Variants in TCF4 observed in about 807,000 individuals in gnomAD.
TCF4 encodes SL3-3 enhancer factor 2.
In TCF4, 3 loss-of-function variants were observed where a neutral mutation model predicts 82.1. That is an observed-to-expected ratio of 0.04 (90% CI 0.02 to 0.09). TCF4 has a LOEUF of 0.09. Among genes scored for constraint, TCF4 ranks in the 10% least tolerant of loss-of-function variants. The probability of loss-of-function intolerance (pLI) is 1.00; values close to 1 mark genes in which losing one functional copy is unlikely to be tolerated. For synonymous variants in TCF4, 276 were observed against 309.6 expected (o/e 0.89, Z 1.14); for missense variants, 518 against 852.7 (o/e 0.61, Z 4.89).
intron 3 of TCF4, among the ~76,000 whole-genome samples, chr18:55,481,353 A>G (rs1040988021): frequency 2.3e-4 from 35 of 152,200 alleles, no homozygotes; most frequent in Admixed American, 2.1e-3. Flanking sequence ...TTACCACCAC[A>G]TCAATGAAAA....
At chr18:55,467,393 T>C (rs530461954) in intron 3 of TCF4, among the ~76,000 whole-genome samples, 5 of 152,178 alleles carry the variant, frequency 3.3e-5, no homozygotes, top group African/African-American at 1.2e-4. Context: ...ATGCCCATTT[T>C]TAAATTGGCT....
chr18:55,326,242 A>G (rs1384263560), intron 8 of TCF4, among the ~76,000 whole-genome samples: 2 of 152,040 alleles, frequency 1.3e-5, no homozygotes, highest in Non-Finnish European at 2.9e-5. Flanking sequence ...CACAGGTTTG[A>G]GTGTTAGTTC....
intron 3 of TCF4, among the ~76,000 whole-genome samples, chr18:55,470,048 T>C (rs931061269): frequency 6.6e-6 from 1 of 152,176 alleles, no homozygotes; most frequent in Non-Finnish European, 1.5e-5. Flanking sequence ...TAATGGCCTC[T>C]TGAGTCAAGG....
chr18:55,442,734 C>T (rs948134812), intron 5 of TCF4, among the ~76,000 whole-genome samples: 5 of 152,174 alleles, frequency 3.3e-5, no homozygotes, highest in South Asian at 2.1e-4. Flanking sequence ...TTCCCTCTTC[C>T]GTCACACCGG....
At chr18:55,559,269 C>T (rs997010160) in intron 3 of TCF4, among the ~76,000 whole-genome samples, 1 of 151,768 alleles carries the variant, frequency 6.6e-6, no homozygotes, top group African/African-American at 2.4e-5. Context: ...TTTAAGACTG[C>T]TATTATTCAG....
chr18:55,467,178 A>C (rs905994790), intron 3 of TCF4, among the ~76,000 whole-genome samples: 1 of 152,234 alleles, frequency 6.6e-6, no homozygotes, highest in African/African-American at 2.4e-5. Context: ...CCATATCCAT[A>C]GAAGACACTA....
chr18:55,254,256 A>G (rs1277846610), intron 15 of TCF4, among the ~76,000 whole-genome samples: 1 of 152,172 alleles, frequency 6.6e-6, no homozygotes, highest in Non-Finnish European at 1.5e-5. Flanking sequence ...TTAATGGGCA[A>G]CGGGGATTCT....
intron 9 of TCF4, among the ~76,000 whole-genome samples, chr18:55,276,769 G>C (rs1444758788): frequency 6.6e-6 from 1 of 152,136 alleles, no homozygotes; most frequent in Non-Finnish European, 1.5e-5. Flanking sequence ...TTGAAAATAA[G>C]ATTATTTTCA....
chr18:55,583,468 A>G (rs1279903859), intron 3 of TCF4, among the ~76,000 whole-genome samples: 1 of 152,178 alleles, frequency 6.6e-6, no homozygotes, highest in Non-Finnish European at 1.5e-5. Context: ...CTCTATAAAC[A>G]TTTAAACATC....
intron 3 of TCF4, among the ~76,000 whole-genome samples, chr18:55,466,584 T>C (rs575364478): frequency 1.5e-4 from 23 of 152,274 alleles, no homozygotes; most frequent in Admixed American, 1.3e-3. Flanking sequence ...GCAAAAGGAA[T>C]CAAGTTGGAG....
chr18:55,242,931 G>A (rs1189136641), intron 15 of TCF4, among the ~76,000 whole-genome samples: 1 of 151,924 alleles, frequency 6.6e-6, no homozygotes, highest in African/African-American at 2.4e-5. Flanking sequence ...TTTAATGATG[G>A]GATAATATTA....
At chr18:55,280,799 G>T (rs776943082) in intron 8 of TCF4, among the ~76,000 whole-genome samples, 1 of 151,758 alleles carries the variant, frequency 6.6e-6, no homozygotes, top group Admixed American at 6.6e-5. Context: ...AGTGCACATC[G>T]AATAAACACC....
intron 3 of TCF4, among the ~76,000 whole-genome samples, chr18:55,464,350 A>C (rs1229633092): frequency 1.3e-5 from 2 of 152,218 alleles, no homozygotes; most frequent in Non-Finnish European, 2.9e-5. Flanking sequence ...CAGGAACCAG[A>C]GGTATAAACA....
intron 2 of TCF4, chr18:55,586,170 GCAGCAGCAGCAGC>G: frequency 2.4e-6 from 1 of 418,374 alleles, no homozygotes; most frequent in Non-Finnish European, 3.3e-6. Flanking sequence ...AGCAGCAGCA[GCAGCAGCAGCAGC>G]AGCAGCAGCA....
At chr18:55,371,483 A>T (rs1208552141) in intron 6 of TCF4, among the ~76,000 whole-genome samples, 2 of 152,206 alleles carry the variant, frequency 1.3e-5, no homozygotes, top group Non-Finnish European at 2.9e-5. Context: ...ATGCCTGTGG[A>T]GACTATCACA....
chr18:55,521,193 G>C (rs765291337), intron 3 of TCF4, among the ~76,000 whole-genome samples: 6 of 152,070 alleles, frequency 3.9e-5, no homozygotes, highest in Admixed American at 2.0e-4. Flanking sequence ...CCTAACAATA[G>C]ATTATACATC....
chr18:55,279,540 C>T lies in TCF4; in HGVS notation c.655+11G>A, dbSNP rs755601446. The stretch of plus-strand genomic sequence containing the variant: ...CCAGTGGCCTTTCCCTCAGAAGCAG[C>T]AGCATCTTACCTTGCATGAAGAAGG... On this transcript the variant is annotated intron_variant, in intron 9 of 19. Coordinates refer to ENST00000354452, the MANE Select transcript of TCF4 (RefSeq NM_001083962.2). 6 of 1,613,654 alleles carry T rather than the reference C, an allele frequency of 3.7e-6. No homozygotes were observed. In the African/African-American group the frequency reaches 8.0e-5, roughly 22 times the overall value.
chr18:55,275,903 T>C, intron 9 of TCF4, 151 bp from the exon 10 acceptor site: 2 of 984,696 alleles, frequency 2.0e-6, no homozygotes, highest in Non-Finnish European at 3.1e-6. Context: ...TCATCATTTC[T>C]TCCCAAGTGG....
At chr18:55,280,234 G>A (rs2062303413) in intron 8 of TCF4, among the ~76,000 whole-genome samples, 1 of 152,128 alleles carries the variant, frequency 6.6e-6, no homozygotes, top group Non-Finnish European at 1.5e-5. Flanking sequence ...GCCATTAAAA[G>A]CCTGGATCTA....
Sources: gnomAD v4.1 joint callset for allele counts (sites outside exome capture counted in the v4.1 genomes callset) on GRCh38, gnomAD v4.1.1 for gene constraint, MANE v1.5 for transcripts, NCBI Gene and HGNC (gene_info 2026-07-23, HGNC 2026-07-21) for gene names.